PATL1: variants seen among roughly 807,000 people sequenced by gnomAD.
PATL1 encodes the protein protein PAT1 homolog 1.
A neutral mutation model predicts 100.6 loss-of-function variants in PATL1; 32 were observed. The ratio of observed to expected loss-of-function variants is 0.32; its 90% CI spans 0.24 to 0.43. PATL1 has a LOEUF of 0.43. Ranked by LOEUF, PATL1 falls within the 20% of genes least tolerant of loss-of-function variation. The probability of loss-of-function intolerance (pLI) is 1.00; values close to 1 mark genes in which losing one functional copy is unlikely to be tolerated. For missense variants in PATL1, 747 were observed against 949.9 expected (o/e 0.79, Z 2.81); for synonymous variants, 332 against 330.0 (o/e 1.01, Z -0.07).
intron 16 of PATL1, among the ~76,000 whole-genome samples, chr11:59,640,856 CCT>C (rs1358312234): frequency 1.3e-5 from 2 of 151,880 alleles, no homozygotes; most frequent in Non-Finnish European, 2.9e-5. Flanking sequence ...ATAGTGAGAC[CCT>C]GTTTCTGCAA....
intron 8 of PATL1, among the ~76,000 whole-genome samples, chr11:59,655,023 A>G (rs577597147): frequency 2.3e-4 from 35 of 152,278 alleles, no homozygotes; most frequent in African/African-American, 7.2e-4. Flanking sequence ...CTGCAACTTG[A>G]GCTTTTACCT....
intron 4 of PATL1, 132 bp from the exon 5 acceptor site, chr11:59,657,856 A>G: frequency 1.3e-6 from 1 of 771,086 alleles, no homozygotes; most frequent in Non-Finnish European, 1.9e-6. Flanking sequence ...ATATAGTAAA[A>G]TTCACTTTTT....
chr11:59,653,147 G>A, intron 9 of PATL1, 129 bp from the exon 10 acceptor site: 1 of 764,666 alleles, frequency 1.3e-6, no homozygotes, highest in Non-Finnish European at 2.1e-6. Flanking sequence ...TAAAAGGGGA[G>A]TGAAAAAGAA....
chr11:59,643,660 C>G lies in PATL1; in HGVS notation c.1894-625G>C, dbSNP rs566193523. 2.4e-4 allele frequency among the ~76,000 whole-genome samples: 37 copies of G among 152,156 alleles called. 1 individual carries two copies. Among genetic ancestry groups the G allele is most frequent in the Non-Finnish European group, 5.9e-5 (4 of 68,010 alleles). ...TGAACTATGATTGCACAACCACATTCCGGCTTGGGTGACAGGGTGAGACCC... is the reference window on the plus strand; with the variant it reads ...TGAACTATGATTGCACAACCACATTGCGGCTTGGGTGACAGGGTGAGACCC... On this transcript the variant is annotated intron_variant, in intron 15 of 18. Coordinates refer to ENST00000300146, the MANE Select transcript of PATL1 (RefSeq NM_152716.3).
intron 1 of PATL1, among the ~76,000 whole-genome samples, chr11:59,668,666 C>T (rs887300432): frequency 9.2e-5 from 14 of 152,226 alleles, no homozygotes; most frequent in East Asian, 5.8e-4. Context: ...CCAACTTTCC[C>T]CAGCGGCAAC....
chr11:59,649,415 G>A (rs1306076885), intron 14 of PATL1, 47 bp downstream of exon 14: 1 of 1,597,782 alleles, frequency 6.3e-7, no homozygotes, highest in South Asian at 1.1e-5. Flanking sequence ...AGTTATGACA[G>A]AGGAAGGAGT....
rs1037374041 is a variant in PATL1 at position 59,652,587 on chromosome 11, T to G, written c.1303A>C (p.Asn435His). ...AGTTTCTCCAGTTTTTCAAAGTAAT[T>G]CTACCACGAGAAGATGATTTCAGTT... ...DPYLDDFYYQ[N>H]YFEKLEKLSA... Residue 435 changes from asparagine to histidine, a missense_variant and splice_region_variant, in exon 11 of 19, where the codon AAT (asparagine) becomes CAT (histidine). Coordinates refer to ENST00000300146, the MANE Select transcript of PATL1 (RefSeq NM_152716.3). 9.9e-6 allele frequency: 16 copies of G among 1,613,252 alleles called. No individual in the cohort carries two copies. Among genetic ancestry groups the G allele is most frequent in the Non-Finnish European group, 1.3e-5 (15 of 1,179,670 alleles).
At chr11:59,651,789 G>A (rs1011277629) in intron 11 of PATL1, 148 bp from the exon 12 acceptor site, 2 of 629,648 alleles carry the variant, frequency 3.2e-6, no homozygotes, top group African/African-American at 1.8e-5. Context: ...TTTAGGCCGG[G>A]TGTGGTAACT....
chr11:59,654,545 T>C (rs559253616), intron 8 of PATL1, among the ~76,000 whole-genome samples: 3 of 146,360 alleles, frequency 2.0e-5, no homozygotes, highest in African/African-American at 5.1e-5. Context: ...AAGCAAAAGA[T>C]AGTCATATTT....
chr11:59,650,768 C>A lies in PATL1; in HGVS notation c.1570G>T (p.Val524Phe). Residue 524 changes from valine (V) to phenylalanine (F), a missense_variant, in exon 13 of 19, where the codon GTT (valine) becomes TTT (phenylalanine). Val to Phe is a conservative substitution (Grantham distance 50, BLOSUM62 -1). This residue lies in a region of PATL1 where 434 missense variants were observed against 596.1 expected (regional missense o/e 0.73). Transcript: ENST00000300146. ...TCTAAACTTACTTTCTCAATTATAACAAGGGTTTTTCTCCTCTTGTCTCGA... is the reference window on the plus strand; with the variant it reads ...TCTAAACTTACTTTCTCAATTATAAAAAGGGTTTTTCTCCTCTTGTCTCGA... ...QVRDKRRKTL[V>F]IIEKTYSLLL... 1 of 1,555,974 alleles carries A rather than the reference C, an allele frequency of 6.4e-7. No homozygotes were observed.
rs189873543 is a variant in PATL1, at chr11:59,643,475, C to A, written c.1894-440G>T. Among the ~76,000 whole-genome samples, 3 of 151,506 alleles carry A rather than the reference C, an allele frequency of 2.0e-5. No individual in the cohort carries two copies. In the South Asian group the frequency reaches 6.3e-4, roughly 32 times the overall value. On this transcript the variant is annotated intron_variant, in intron 15 of 18. Transcript: ENST00000300146. ...GAAGCACTCCAAGATAGGTTAAAGGCCAAGCAGAAGATCACTTCAGGCCAG... is the reference window on the plus strand; with the variant it reads ...GAAGCACTCCAAGATAGGTTAAAGGACAAGCAGAAGATCACTTCAGGCCAG...
intron 4 of PATL1, 22 bp downstream of exon 4, chr11:59,658,844 G>T: frequency 6.5e-7 from 1 of 1,531,560 alleles, no homozygotes; most frequent in South Asian, 1.2e-5. Flanking sequence ...TAAATTTTAT[G>T]TAAAGAGAAA....
chr11:59,663,071 C>A (rs943075954), intron 2 of PATL1, among the ~76,000 whole-genome samples: 3 of 152,008 alleles, frequency 2.0e-5, no homozygotes, highest in South Asian at 2.1e-4. Context: ...CAATATTTCA[C>A]CCTGTATCTT....
intron 1 of PATL1, among the ~76,000 whole-genome samples, chr11:59,667,706 C>A (rs1861710935): frequency 6.6e-6 from 1 of 152,214 alleles, no homozygotes; most frequent in Admixed American, 6.5e-5. Flanking sequence ...CCAACTATGG[C>A]AGAGAGTTGT....
chr11:59,658,184 A>AAGAC (rs1217162680), intron 4 of PATL1, among the ~76,000 whole-genome samples: 2 of 151,814 alleles, frequency 1.3e-5, no homozygotes, highest in African/African-American at 4.8e-5. Flanking sequence ...AAAAGAAAGA[A>AAGAC]AGAGAGAGCA....
chr11:59,638,195 C>G lies in PATL1; in HGVS notation c.*195G>C, dbSNP rs1861221132. 1.6e-6 allele frequency: 1 copy of G among 610,310 alleles called. No homozygotes were observed. Among genetic ancestry groups the G allele is most frequent in the African/African-American group, 1.9e-5 (1 of 53,968 alleles). 37.8% of individuals were successfully genotyped at this position (610,310 alleles called of 1,614,324 possible). On this transcript the variant is annotated 3_prime_UTR_variant, in exon 19 of 19. Coordinates refer to ENST00000300146, the MANE Select transcript of PATL1 (RefSeq NM_152716.3). ...GGTAAAGAAACCAGCAGAAGTATCA[C>G]CCAGCCAAATTTCATAGAGCAGTGG...
In PATL1 at chr11:59,658,877, G is replaced by C. The variant is rs780515010; in HGVS notation, c.415C>G (p.Leu139Val). The change falls in exon 4 of 19, where the codon CTG (leucine) becomes GTG (valine). Residue 139 changes from leucine (L) to valine (V), a missense_variant. Coordinates refer to ENST00000300146, the MANE Select transcript of PATL1 (RefSeq NM_152716.3). The stretch of plus-strand genomic sequence containing the variant: ...AAAATATTTAATACCTGAGCAAGCA[G>C]TGGTCCTCGGATTCGCCTCAGAACT... ...SEVLRRIRGP[L>V]LAQEMPTVSV... 6.5e-7 allele frequency: 1 copy of C among 1,548,722 alleles called. No individual in the cohort carries two copies. The highest frequency in any genetic ancestry group is 1.2e-5 in the South Asian group (1 of 83,344).
chr11:59,646,976 T>C (rs931343301), intron 15 of PATL1, among the ~76,000 whole-genome samples: 8 of 151,970 alleles, frequency 5.3e-5, no homozygotes, highest in African/African-American at 1.5e-4. Context: ...TCCCAGCACT[T>C]TGGGAGGCCA....
At chr11:59,662,841 G>A (rs148145375) in intron 2 of PATL1, among the ~76,000 whole-genome samples, 22 of 152,156 alleles carry the variant, frequency 1.4e-4, no homozygotes, top group African/African-American at 4.3e-4. Flanking sequence ...ATCAAATATG[G>A]ATAATCTATT....
Sources: allele counts gnomAD v4.1 joint callset (sites outside exome capture counted in the v4.1 genomes callset), GRCh38; gene constraint gnomAD v4.1.1; regional missense constraint gnomAD v4.1.1; transcripts MANE v1.5; gene names NCBI Gene and HGNC (gene_info 2026-07-23, HGNC 2026-07-21).